The following SSBP3 variants were observed in gnomAD, a reference collection of about 807,000 sequenced individuals.
SSBP3 encodes the protein single-stranded DNA-binding protein 3.
Under a neutral mutation model 69.6 loss-of-function variants are expected in SSBP3, and 5 were observed. That is an observed-to-expected ratio of 0.07 (90% CI 0.04 to 0.15). The LOEUF (loss-of-function observed/expected upper bound fraction) is 0.15, where lower values mean the gene tolerates loss of function less well. Among genes scored for constraint, SSBP3 ranks in the 10% least tolerant of loss-of-function variants. The probability of loss-of-function intolerance (pLI) is 1.00; values close to 1 mark genes in which losing one functional copy is unlikely to be tolerated. For missense variants in SSBP3, 312 were observed against 534.0 expected, an observed-to-expected ratio of 0.58 and a Z score of 4.10; for synonymous variants, 196 against 193.4, an observed-to-expected ratio of 1.01 and a Z score of -0.11.
chr1:54,313,162 G>A (rs112613987), intron 4 of SSBP3, among the ~76,000 whole-genome samples: 105 of 152,032 alleles, frequency 6.9e-4, no homozygotes, highest in African/African-American at 2.5e-3. Flanking sequence ...GGTGTACAAC[G>A]GCAGAGAAAT....
intron 14 of SSBP3, among the ~76,000 whole-genome samples, chr1:54,230,222 G>C (rs188259893): frequency 6.6e-6 from 1 of 152,256 alleles, no homozygotes; most frequent in Admixed American, 6.5e-5. Flanking sequence ...TGCCTCTCCA[G>C]TGGGCCCCCC....
At chr1:54,293,730 C>A (rs1412803565) in intron 4 of SSBP3, among the ~76,000 whole-genome samples, 1 of 152,236 alleles carries the variant, frequency 6.6e-6, no homozygotes, top group Non-Finnish European at 1.5e-5. Context: ...ACTGTTAATT[C>A]CTTATTAAAT....
At chr1:54,280,727 G>GGCGCAGAGAGGGAGGCA (rs1553130592) in intron 5 of SSBP3, among the ~76,000 whole-genome samples, 1 of 152,300 alleles carries the variant, frequency 6.6e-6, no homozygotes, top group Admixed American at 6.5e-5. Context: ...CAGAGGAGGC[G>GGCGCAGAGAGGGAGGCA]GCGCAGAGAG....
intron 4 of SSBP3, among the ~76,000 whole-genome samples, chr1:54,325,861 G>A (rs759589684): frequency 6.6e-6 from 1 of 152,046 alleles, no homozygotes; most frequent in Non-Finnish European, 1.5e-5. Context: ...CCTCTTATCT[G>A]CGGACTTAAC....
intron 4 of SSBP3, among the ~76,000 whole-genome samples, chr1:54,389,179 T>C (rs1648301398): frequency 6.6e-6 from 1 of 152,180 alleles, no homozygotes; most frequent in Non-Finnish European, 1.5e-5. Context: ...AGCAGCTATA[T>C]AGTTCTCATT....
intron 2 of SSBP3, 41 bp downstream of exon 2, chr1:54,404,817 G>GGT: frequency 9.3e-7 from 1 of 1,074,308 alleles, no homozygotes; most frequent in Non-Finnish European, 1.4e-6. Flanking sequence ...GTGGGGGGGG[G>GGT]GGGTGTCAAG....
chr1:54,289,185 T>C (rs2100932044), intron 4 of SSBP3, among the ~76,000 whole-genome samples: 1 of 152,220 alleles, frequency 6.6e-6, no homozygotes, highest in South Asian at 2.1e-4. Context: ...TGTTTGAGAC[T>C]GTCTATATGT....
intron 4 of SSBP3, among the ~76,000 whole-genome samples, chr1:54,319,162 C>T (rs543384170): frequency 6.6e-6 from 1 of 152,270 alleles, no homozygotes; most frequent in Admixed American, 6.5e-5. Context: ...TTCTAATAAC[C>T]TAGAGAAGTG....
At chr1:54,319,548 T>A (rs1205744570) in intron 4 of SSBP3, among the ~76,000 whole-genome samples, 2 of 152,108 alleles carry the variant, frequency 1.3e-5, no homozygotes, top group Admixed American at 1.3e-4. Context: ...ACCCACTCAG[T>A]GTCACTTTCA....
chr1:54,324,288 T>C (rs898961859), intron 4 of SSBP3, among the ~76,000 whole-genome samples: 1 of 152,160 alleles, frequency 6.6e-6, no homozygotes, highest in African/African-American at 2.4e-5. Flanking sequence ...AAATCCCTCT[T>C]GGCAATCAGA....
At chr1:54,278,379 C>T (rs1645329795) in intron 5 of SSBP3, among the ~76,000 whole-genome samples, 1 of 151,954 alleles carries the variant, frequency 6.6e-6, no homozygotes, top group South Asian at 2.1e-4. Context: ...AAGCCATCTC[C>T]CTGCCAGCCC....
At chr1:54,400,843 A>G (rs1003079339) in intron 4 of SSBP3, among the ~76,000 whole-genome samples, 1 of 152,174 alleles carries the variant, frequency 6.6e-6, no homozygotes, top group Non-Finnish European at 1.5e-5. Flanking sequence ...CCACCTCCAC[A>G]TGCAGGGAAC....
chr1:54,385,240 C>CT (rs923334558), intron 4 of SSBP3, among the ~76,000 whole-genome samples: 1 of 152,142 alleles, frequency 6.6e-6, no homozygotes, highest in African/African-American at 2.4e-5. Context: ...ATCCCTGGCC[C>CT]TTCTCAAGGA....
At chr1:54,266,521 A>G (rs1172551024) in intron 5 of SSBP3, among the ~76,000 whole-genome samples, 1 of 152,210 alleles carries the variant, frequency 6.6e-6, no homozygotes, top group African/African-American at 2.4e-5. Context: ...CCTTCACAGA[A>G]AAAGTCTGCA....
intron 9 of SSBP3, among the ~76,000 whole-genome samples, chr1:54,247,440 G>A (rs1644753336): frequency 6.6e-6 from 1 of 152,148 alleles, no homozygotes; most frequent in African/African-American, 2.4e-5. Flanking sequence ...GTTCCTCAAG[G>A]GGCCCTTTTC....
At chr1:54,367,255 C>T (rs1267569520) in intron 4 of SSBP3, among the ~76,000 whole-genome samples, 2 of 152,144 alleles carry the variant, frequency 1.3e-5, no homozygotes, top group East Asian at 1.9e-4. Context: ...CATAAACCCC[C>T]GCCCTGATAC....
intron 3 of SSBP3, among the ~76,000 whole-genome samples, chr1:54,404,189 G>A (rs936275887): frequency 1.3e-5 from 2 of 152,096 alleles, no homozygotes; most frequent in Admixed American, 1.3e-4. Context: ...GGAAGGGACA[G>A]GCTAGTTGTA....
In SSBP3 at chr1:54,258,025, G is replaced by A. The variant is rs763754787; in HGVS notation, c.447+44C>T. On this transcript the variant is annotated intron_variant, in intron 6 of 17. Transcript: ENST00000610401. This position sits in a 1 kb window ranked among gnomAD's most constrained non-coding sequence, Gnocchi z 4.5. The stretch of plus-strand genomic sequence containing the variant: ...CCTCTGCGGGCTCTCTGCTTCCTCC[G>A]CGCCCCGCGTCCCCGGCGGGCGGGA... The A allele has an allele frequency of 4.5e-6, 7 of 1,545,084 alleles. No homozygotes were observed. The highest frequency in any genetic ancestry group is 2.3e-4 in the Middle Eastern group (1 of 4,444).
intron 4 of SSBP3, among the ~76,000 whole-genome samples, chr1:54,333,350 G>T (rs1337928093): frequency 6.6e-6 from 1 of 152,148 alleles, no homozygotes; most frequent in African/African-American, 2.4e-5. Flanking sequence ...CATTTATACA[G>T]CCATGCTCAG....
Sources: gnomAD v4.1 joint callset for allele counts (sites outside exome capture counted in the v4.1 genomes callset) on GRCh38, gnomAD v4.1.1 for gene constraint, Gnocchi (gnomAD v3.1) non-coding constraint, MANE v1.5 for transcripts, NCBI Gene and HGNC (gene_info 2026-07-23, HGNC 2026-07-21) for gene names.